PRCP: variants seen among roughly 807,000 people sequenced by gnomAD.
PRCP encodes the protein lysosomal Pro-X carboxypeptidase.
Under a neutral mutation model 54.2 loss-of-function variants are expected in PRCP, and 46 were observed. The observed-to-expected ratio is 0.85, with a 90% CI of 0.67 to 1.09. The LOEUF is 1.09. Ranked by LOEUF, PRCP falls within the 50% of genes least tolerant of loss-of-function variation. The pLI is 0.00. For synonymous variants in PRCP, 240 were observed against 212.2 expected (o/e 1.13, Z -1.14); for missense variants, 613 against 596.8 (o/e 1.03, Z -0.28).
intron 1 of PRCP, among the ~76,000 whole-genome samples, chr11:82,860,922 T>C (rs535531130): frequency 6.6e-6 from 1 of 152,212 alleles, no homozygotes; most frequent in South Asian, 2.1e-4. Flanking sequence ...TGCTCACAAT[T>C]AATGGAGAGT....
At chr11:82,871,631 T>C (rs1168959626) in intron 1 of PRCP, among the ~76,000 whole-genome samples, 1 of 152,128 alleles carries the variant, frequency 6.6e-6, no homozygotes, top group East Asian at 1.9e-4. Flanking sequence ...AAAACCACGT[T>C]TCTCACGAAC....
chr11:82,836,547 T>G (rs544635817), intron 8 of PRCP: 13 of 152,038 alleles, frequency 8.6e-5, no homozygotes, highest in African/African-American at 2.7e-4. Context: ...TTTTGGGGAG[T>G]TTTTGTTTGT....
At chr11:82,827,669 T>C (rs751436445) in intron 8 of PRCP, 8 of 152,214 alleles carry the variant, frequency 5.3e-5, no homozygotes, top group Non-Finnish European at 1.0e-4. Flanking sequence ...AGCTTTGTAA[T>C]AAGTTTGAAA....
intron 2 of PRCP, among the ~76,000 whole-genome samples, chr11:82,854,234 A>G (rs1448035683): frequency 1.3e-5 from 2 of 152,222 alleles, no homozygotes; most frequent in East Asian, 1.9e-4. Context: ...CACAAATGAT[A>G]TGATGCTATA....
At chr11:82,873,422 A>G (rs7121090) in intron 1 of PRCP, among the ~76,000 whole-genome samples, 19,088 of 152,256 alleles carry the variant, frequency 0.13, 2,144 homozygotes, top group African/African-American at 0.3. Flanking sequence ...TAAATTGGCA[A>G]AAGAGTTCCA....
chr11:82,859,461 C>T (rs1252004481), intron 2 of PRCP, among the ~76,000 whole-genome samples: 1 of 152,050 alleles, frequency 6.6e-6, no homozygotes, highest in East Asian at 1.9e-4. Flanking sequence ...TGGACACTGA[C>T]AATATAACAC....
chr11:82,845,396 A>T lies in PRCP; in HGVS notation c.921+3653T>A, dbSNP rs193274561. Among the ~76,000 whole-genome samples, 103 of 149,438 alleles carry T rather than the reference A, an allele frequency of 6.9e-4. 1 individual carries two copies. Among genetic ancestry groups the T allele is most frequent in the African/African-American group, 2.4e-3 (97 of 40,812 alleles). ...GGAAGGAAAGAAGATATGTTGGGGG[A>T]AAAAAAAAAGACCAATCTCCTCTCA... On this transcript the variant is annotated intron_variant, in intron 6 of 8. Coordinates refer to ENST00000313010, the MANE Select transcript of PRCP (RefSeq NM_005040.4).
chr11:82,894,330 TTA>T (rs1165198972), intron 1 of PRCP, among the ~76,000 whole-genome samples: 1 of 152,192 alleles, frequency 6.6e-6, no homozygotes, highest in Non-Finnish European at 1.5e-5. Flanking sequence ...TAAAAACACT[TTA>T]TATGTTATGG....
At chr11:82,879,339 A>G (rs1859688890) in intron 1 of PRCP, among the ~76,000 whole-genome samples, 1 of 152,164 alleles carries the variant, frequency 6.6e-6, no homozygotes, top group African/African-American at 2.4e-5. Flanking sequence ...AAGCTTGTGC[A>G]TGCATCACGT....
rs1171193255 is a variant in PRCP, at chr11:82,836,196, G to GA, written c.1274+2190dup. ...TGACAGAGTGAGACTCCATCTCGAG[G>GA]AAAAAAAAAAAAAAAAAAAAGACAC... On this transcript the variant is annotated intron_variant, in intron 8 of 8. Transcript: ENST00000313010. 1.0e-3 allele frequency: 131 copies of GA among 125,220 alleles called. 1 individual carries two copies. The highest frequency in any genetic ancestry group is 4.3e-3 in the South Asian group (16 of 3,696). 7.8% of individuals were successfully genotyped at this position (125,220 alleles called of 1,614,324 possible).
chr11:82,869,254 G>A (rs528457274), intron 1 of PRCP, among the ~76,000 whole-genome samples: 16 of 151,410 alleles, frequency 1.1e-4, no homozygotes, highest in African/African-American at 3.4e-4. Flanking sequence ...TACTCAGGAC[G>A]CTGAGATCAG....
At chr11:82,850,631 A>G in intron 3 of PRCP, 126 bp from the exon 4 acceptor site, 2 of 647,030 alleles carry the variant, frequency 3.1e-6, no homozygotes, top group Non-Finnish European at 4.6e-6. Context: ...TAGGCAATTG[A>G]GCTAAAATGC....
chr11:82,843,684 C>A (rs953712088), intron 6 of PRCP, among the ~76,000 whole-genome samples: 1 of 152,144 alleles, frequency 6.6e-6, no homozygotes, highest in African/African-American at 2.4e-5. Flanking sequence ...CTACATAAGG[C>A]GTGTCATTCC....
chr11:82,838,452 C>T lies in PRCP; in HGVS notation c.1209G>A (p.Arg403=), dbSNP rs1263554524. ...CATACATAGTAGTGATCCAGGAGGG[C>T]CTTGGTCTCACACCCCACTGTTGAA... is the stretch of plus-strand genomic sequence containing the variant. ...DCFQQWGVRP[R]PSWITTMYGG... is the part of the protein sequence containing the mutation. The change falls in exon 8 of 9, where the codon AGG becomes AGA. Residue 403 remains arginine, a synonymous_variant. Transcript: ENST00000313010. 6.2e-7 allele frequency: 1 copy of T among 1,614,014 alleles called. No individual in the cohort carries two copies. Among genetic ancestry groups the T allele is most frequent in the East Asian group, 2.2e-5 (1 of 44,864 alleles).
At chr11:82,900,520 G>A, upstream of PRCP, 1 of 1,405,052 alleles carries the variant, frequency 7.1e-7, no homozygotes, top group Admixed American at 2.0e-5. Flanking sequence ...TCCTCCCAGG[G>A]GAAACCCAAA....
intron 8 of PRCP, among the ~76,000 whole-genome samples, chr11:82,833,857 G>A (rs186043286): frequency 2.0e-4 from 31 of 152,152 alleles, no homozygotes; most frequent in African/African-American, 7.5e-4. Context: ...AGCTCTTCTT[G>A]AAAGTCCTTT....
intron 6 of PRCP, among the ~76,000 whole-genome samples, chr11:82,841,058 A>ATATATATATATATATAT (rs1178732590): frequency 1.3e-5 from 2 of 149,610 alleles, no homozygotes; most frequent in Non-Finnish European, 3.0e-5. Context: ...TATATAATAG[A>ATATATATATATATATAT]CTAGTCCTGA....
At chr11:82,841,871 T>G (rs1410850984) in intron 6 of PRCP, among the ~76,000 whole-genome samples, 1 of 152,216 alleles carries the variant, frequency 6.6e-6, no homozygotes, top group African/African-American at 2.4e-5. Context: ...GAAACAATCA[T>G]AAGATATATT....
intron 8 of PRCP, chr11:82,827,461 C>T (rs1858265106): frequency 6.6e-6 from 1 of 152,276 alleles, no homozygotes; most frequent in African/African-American, 2.4e-5. Context: ...AGGGAGCCAA[C>T]CTCATTCTTC....
Sources: allele counts gnomAD v4.1 joint callset (sites outside exome capture counted in the v4.1 genomes callset), GRCh38; gene constraint gnomAD v4.1.1; transcripts MANE v1.5; gene names NCBI Gene and HGNC (gene_info 2026-07-23, HGNC 2026-07-21).